PLEKHG1: variants seen among roughly 807,000 people sequenced by gnomAD.
PLEKHG1 encodes pleckstrin homology domain-containing family G member 1.
A neutral mutation model predicts 100.8 loss-of-function variants in PLEKHG1; 44 were observed. The ratio of observed to expected loss-of-function variants is 0.44; its 90% confidence interval spans 0.34 to 0.56. The LOEUF is 0.56. Among genes scored for constraint, PLEKHG1 ranks in the 20% least tolerant of loss-of-function variants. The pLI is 0.01. For synonymous variants in PLEKHG1, 640 were observed against 662.5 expected (o/e 0.97, Z 0.52); for missense variants, 1,545 against 1,720.9 (o/e 0.90, Z 1.81).
chr6:150,741,018 ACAGCAG>A (rs1264193126), intron 2 of PLEKHG1, among the ~76,000 whole-genome samples: 3 of 152,132 alleles, frequency 2.0e-5, no homozygotes, highest in African/African-American at 7.2e-5. Context: ...CACCTCAACA[ACAGCAG>A]CACAAACCTA....
At chr6:150,811,183 C>T (rs556705484) in intron 10 of PLEKHG1, among the ~76,000 whole-genome samples, 1 of 152,146 alleles carries the variant, frequency 6.6e-6, no homozygotes, top group Admixed American at 6.6e-5. Context: ...GAGTATAACC[C>T]AGGTGTTGTG....
intron 1 of PLEKHG1, among the ~76,000 whole-genome samples, chr6:150,613,421 TA>T (rs954725774): frequency 2.0e-5 from 3 of 152,196 alleles, no homozygotes; most frequent in Admixed American, 1.3e-4. Flanking sequence ...TCCAGTGCCT[TA>T]AAAGAGTGCC....
chr6:150,801,437 CTTTTTTTTT>C (rs35282307), intron 6 of PLEKHG1, among the ~76,000 whole-genome samples: 1 of 108,790 alleles, frequency 9.2e-6, no homozygotes, highest in Non-Finnish European at 1.9e-5. Flanking sequence ...CTTTTCTTTT[CTTTTTTTTT>C]TTTTTTTTTG....
chr6:150,606,022 G>T (rs1322555850), intron 1 of PLEKHG1, among the ~76,000 whole-genome samples: 1 of 152,150 alleles, frequency 6.6e-6, no homozygotes, highest in South Asian at 2.1e-4. Context: ...TCTTAGCTCT[G>T]GGGTGTTGAC....
chr6:150,770,317 C>T (rs185537967), intron 3 of PLEKHG1, among the ~76,000 whole-genome samples: 3 of 152,208 alleles, frequency 2.0e-5, no homozygotes, highest in Non-Finnish European at 4.4e-5. Flanking sequence ...ACACCTAGCA[C>T]AAGCCTGACC....
At position 150,762,282 on chromosome 6, in the gene PLEKHG1, C is replaced by T. The variant is rs544705132; in HGVS notation, c.412-6356C>T. On this transcript the variant is annotated intron_variant, in intron 2 of 15. Coordinates refer to ENST00000358517, the Ensembl canonical transcript of PLEKHG1. ...TCAGCTCACTTCAACCTCTGCCTCC[C>T]GGGTTCAAGCGATTCTCCTGCCTCA... Among the ~76,000 whole-genome samples, 8 of 151,850 alleles carry T rather than the reference C, an allele frequency of 5.3e-5. No homozygotes were observed. In the East Asian group the frequency reaches 7.8e-4, roughly 15 times the overall value.
intron 5 of PLEKHG1, among the ~76,000 whole-genome samples, chr6:150,797,911 G>A (rs1786450847): frequency 7.1e-6 from 1 of 141,756 alleles, no homozygotes; most frequent in African/African-American, 2.6e-5. Context: ...ACTTACTCTG[G>A]CAAATACTTT....
In PLEKHG1 at chr6:150,813,795, G is replaced by A. The variant is rs539462443; in HGVS notation, c.1278+4061G>A. Among the ~76,000 whole-genome samples the A allele has an allele frequency of 6.6e-5, 10 of 152,222 alleles. No homozygotes were observed. In the South Asian group the frequency reaches 1.7e-3, roughly 25 times the overall value. ...GGCTCTGATTCTGTGCTGCTGCTCT[G>A]GAGTGGAGGAAAAGGTCATTAGAAA... On this transcript the variant is annotated intron_variant, in intron 10 of 15. Coordinates refer to ENST00000358517, the Ensembl canonical transcript of PLEKHG1.
chr6:150,664,510 T>A (rs911727112), intron 3 of PLEKHG1: 1 of 152,234 alleles, frequency 6.6e-6, no homozygotes, highest in Non-Finnish European at 1.5e-5. Flanking sequence ...ATTCTTTTTA[T>A]TCTCTAAATA....
At chr6:150,678,243 C>G (rs1779828928) in intron 3 of PLEKHG1, among the ~76,000 whole-genome samples, 1 of 151,814 alleles carries the variant, frequency 6.6e-6, no homozygotes, top group African/African-American at 2.4e-5. Context: ...GCCTGTTCCT[C>G]CTGTCCCACT....
chr6:150,708,409 A>G (rs780440173), intron 3 of PLEKHG1, among the ~76,000 whole-genome samples: 65 of 152,172 alleles, frequency 4.3e-4, no homozygotes, highest in Non-Finnish European at 8.4e-4. Context: ...TTCCCCACAT[A>G]GAATCTGTGA....
intron 14 of PLEKHG1, among the ~76,000 whole-genome samples, chr6:150,829,073 C>G (rs1325593915): frequency 6.6e-6 from 1 of 152,174 alleles, no homozygotes; most frequent in Non-Finnish European, 1.5e-5. Flanking sequence ...TTCCAATTAA[C>G]ATCTATCCCA....
chr6:150,826,105 C>G (rs138367250), intron 14 of PLEKHG1, among the ~76,000 whole-genome samples: 1 of 152,120 alleles, frequency 6.6e-6, no homozygotes, highest in African/African-American at 2.4e-5. Context: ...TTGCTTGAAC[C>G]CAGGAGGTGG....
At chr6:150,738,557 C>T (rs1184195849) in intron 2 of PLEKHG1, among the ~76,000 whole-genome samples, 2 of 152,128 alleles carry the variant, frequency 1.3e-5, no homozygotes, top group Non-Finnish European at 2.9e-5. Flanking sequence ...AAAATAATCT[C>T]ACATATTTAG....
At chr6:150,651,572 C>T (rs979530115) in intron 3 of PLEKHG1, among the ~76,000 whole-genome samples, 3 of 152,032 alleles carry the variant, frequency 2.0e-5, no homozygotes, top group African/African-American at 7.2e-5. Flanking sequence ...TATTCTCAGT[C>T]TTTAGACCAG....
chr6:150,720,335 G>A (rs1213104450), upstream of PLEKHG1, among the ~76,000 whole-genome samples: 1 of 152,010 alleles, frequency 6.6e-6, no homozygotes, highest in Non-Finnish European at 1.5e-5. Flanking sequence ...AAAATAATTG[G>A]AAGGTCTCAC....
chr6:150,731,066 A>C (rs188433506), intron 1 of PLEKHG1, among the ~76,000 whole-genome samples: 1 of 152,244 alleles, frequency 6.6e-6, no homozygotes, highest in East Asian at 1.9e-4. Context: ...AATGGAAAGG[A>C]AACCTTGTTG....
intron 3 of PLEKHG1, among the ~76,000 whole-genome samples, chr6:150,711,814 C>A (rs528457420): frequency 2.0e-5 from 3 of 152,214 alleles, no homozygotes; most frequent in Admixed American, 6.5e-5. Context: ...ATCAAATTCA[C>A]AATATTTTTC....
chr6:150,650,059 A>C (rs1582882462), intron 2 of PLEKHG1, among the ~76,000 whole-genome samples: 1 of 1,868 alleles, frequency 5.4e-4, no homozygotes, highest in African/African-American at 3.2e-3. Context: ...ACTTTGTCTC[A>C]AAAAAAAAAA....
Sources: allele counts gnomAD v4.1 joint callset (sites outside exome capture counted in the v4.1 genomes callset), GRCh38; gene constraint gnomAD v4.1.1; transcripts MANE v1.5; gene names NCBI Gene and HGNC (gene_info 2026-07-23, HGNC 2026-07-21).